Variants in CACNA1D observed in about 807,000 individuals in gnomAD.
The protein encoded by CACNA1D is calcium voltage-gated channel subunit alpha1 D.
In CACNA1D, 55 loss-of-function variants were observed where a neutral mutation model predicts 257.1. The observed-to-expected ratio is 0.21, with a 90% CI of 0.17 to 0.27. The LOEUF (loss-of-function observed/expected upper bound fraction) is 0.27, where lower values mean the gene tolerates loss of function less well. CACNA1D is among the 10% of genes least tolerant of loss of function. The pLI is 1.00. For synonymous variants in CACNA1D, 980 were observed against 1,014.9 expected (o/e 0.97, Z 0.65); for missense variants, 1,876 against 2,784.0 (o/e 0.67, Z 7.34).
rs762565807 is a variant in CACNA1D, at chr3:53,775,902, G to A, written c.4219G>A (p.Ala1407Thr). The A allele has an allele frequency of 6.2e-7, 1 of 1,614,048 alleles. No homozygotes were observed. ...LLLFRCATGE[A>T]WQEIMLACLP... ...CTGAAAAAGGTGTGCAACAGGTGAGGCCTGGCAGGAGATCATGCTGGCCTG... is the reference window on the plus strand; with the variant it reads ...CTGAAAAAGGTGTGCAACAGGTGAGACCTGGCAGGAGATCATGCTGGCCTG... Residue 1407 changes from alanine (A) to threonine (T), a missense_variant, in exon 35 of 48, where the codon GCC (alanine) becomes ACC (threonine). By Grantham distance (58) the Ala-to-Thr change is moderately conservative. Coordinates refer to ENST00000350061, the MANE Select transcript of CACNA1D (RefSeq NM_001128840.3).
At chr3:53,614,729 C>T (rs1010466998) in intron 3 of CACNA1D, among the ~76,000 whole-genome samples, 2 of 152,188 alleles carry the variant, frequency 1.3e-5, no homozygotes, top group Non-Finnish European at 2.9e-5. Context: ...TTCCATACGT[C>T]CCTTTTGTGT....
chr3:53,752,117 G>A (rs942186182), intron 28 of CACNA1D, among the ~76,000 whole-genome samples: 1 of 152,166 alleles, frequency 6.6e-6, no homozygotes, highest in African/African-American at 2.4e-5. Flanking sequence ...TATCCGTACA[G>A]CATGATGGTA....
intron 3 of CACNA1D, among the ~76,000 whole-genome samples, chr3:53,612,474 CT>C (rs2093593783): frequency 6.6e-6 from 1 of 152,184 alleles, no homozygotes; most frequent in Admixed American, 6.5e-5. Flanking sequence ...TCTTTTGACT[CT>C]GATAGTTGGA....
intron 3 of CACNA1D, among the ~76,000 whole-genome samples, chr3:53,609,786 T>C (rs1409200742): frequency 6.6e-6 from 1 of 152,226 alleles, no homozygotes; most frequent in Non-Finnish European, 1.5e-5. Context: ...TTGCCGTTGT[T>C]TTTTCCTTCT....
intron 4 of CACNA1D, among the ~76,000 whole-genome samples, chr3:53,654,757 G>A (rs942342406): frequency 6.6e-6 from 1 of 151,936 alleles, no homozygotes; most frequent in Non-Finnish European, 1.5e-5. Context: ...TTTACTATTC[G>A]GCACTTTATA....
intron 2 of CACNA1D, 112 bp from the exon 3 acceptor site, chr3:53,501,503 G>T: frequency 1.4e-6 from 1 of 689,822 alleles, no homozygotes; most frequent in South Asian, 1.6e-5. Flanking sequence ...AATAGGATTT[G>T]TGTATGTCAT....
At position 53,811,922 on chromosome 3, in the gene CACNA1D, C is replaced by T. The variant is rs1239473813; in HGVS notation, c.*516C>T. ...ACACTGCGTCCTGGTTCCTGTTTAG[C>T]TGTTCTGAAATACGGTGTGTAAGTA... On this transcript the variant is annotated 3_prime_UTR_variant, in exon 48 of 48. Transcript: ENST00000350061. The surrounding 1 kb of genome is among the most constrained non-coding windows in gnomAD (Gnocchi z 4.2). 6.5e-6 allele frequency: 1 copy of T among 152,774 alleles called. No individual in the cohort carries two copies. The highest frequency in any genetic ancestry group is 6.5e-5 in the Admixed American group (1 of 15,288). The allele number at this position is 152,774 out of a possible 1,614,324, so 9.5% of individuals were successfully genotyped here.
intron 3 of CACNA1D, among the ~76,000 whole-genome samples, chr3:53,614,204 G>A (rs1157028842): frequency 3.3e-5 from 5 of 152,026 alleles, no homozygotes; most frequent in Non-Finnish European, 7.4e-5. Flanking sequence ...ATCGTCCCGG[G>A]GCTGAGATCC....
In CACNA1D at chr3:53,574,146, G is replaced by A. The variant is rs116109424; in HGVS notation, c.483+72426G>A. On this transcript the variant is annotated intron_variant, in intron 3 of 47. Coordinates refer to ENST00000350061, the MANE Select transcript of CACNA1D (RefSeq NM_001128840.3). ...GCAAGGAAGCTCAGTGTTTCCACAC[G>A]TTTCAGGTTGCCTCTGTTCTAAATG... 6.3e-3 allele frequency among the ~76,000 whole-genome samples: 962 copies of A among 152,284 alleles called. 15 individuals carry two copies. Among genetic ancestry groups the A allele is most frequent in the African/African-American group, 0.022 (922 of 41,562 alleles).
In CACNA1D at chr3:53,667,162, G is replaced by A. The variant is rs115970544; in HGVS notation, c.1116+627G>A. On this transcript the variant is annotated intron_variant, in intron 7 of 47. Transcript: ENST00000350061. ...CTGGCAGAAAGGGTAGGAATGGCAC[G>A]TAGACTTCCAGGGCTGGTGGACCCA... Among the ~76,000 whole-genome samples, 1,077 of 152,238 alleles carry A rather than the reference G, an allele frequency of 7.1e-3. 15 individuals carry two copies. Among genetic ancestry groups the A allele is most frequent in the African/African-American group, 0.025 (1,018 of 41,530 alleles).
intron 9 of CACNA1D, among the ~76,000 whole-genome samples, chr3:53,713,683 C>T (rs753164406): frequency 1.3e-5 from 2 of 152,196 alleles, no homozygotes; most frequent in Non-Finnish European, 2.9e-5. Context: ...GCAGATTTCC[C>T]TGGTTTACTG....
intron 9 of CACNA1D, among the ~76,000 whole-genome samples, chr3:53,707,735 T>C (rs2108619986): frequency 6.6e-6 from 1 of 152,176 alleles, no homozygotes; most frequent in East Asian, 1.9e-4. Flanking sequence ...GCTAGGACCA[T>C]TAAAATCTGG....
At position 53,812,800 on chromosome 3, in the gene CACNA1D, CGTG is replaced by C. The variant is rs1333938830; in HGVS notation, c.*1398_*1400del. 3.3e-5 allele frequency: 5 copies of C among 152,242 alleles called. No homozygotes were observed. Among genetic ancestry groups the C allele is most frequent in the East Asian group, 3.8e-4 (2 of 5,198 alleles). 9.4% of individuals were successfully genotyped at this position (152,242 alleles called of 1,614,324 possible). A position where few individuals can be genotyped will look rare whatever the true frequency, so the allele number is the denominator to read the frequency against. ...AGGGGTGCTGGGGACAGAGGAGCAACGTGGTGATCTATAGGATTGGAGTGTCGG... is the reference window on the plus strand; with the variant it reads ...AGGGGTGCTGGGGACAGAGGAGCAACGTGATCTATAGGATTGGAGTGTCGG... On this transcript the variant is annotated 3_prime_UTR_variant, in exon 48 of 48. Transcript: ENST00000350061.
rs76575992 is a variant in CACNA1D, at chr3:53,774,979, A to C, written c.4202+301A>C. Among the ~76,000 whole-genome samples the C allele has an allele frequency of 6.6e-6, 1 of 152,304 alleles. No individual in the cohort carries two copies. The highest frequency in any genetic ancestry group is 6.5e-5 in the Admixed American group (1 of 15,298). On this transcript the variant is annotated intron_variant, in intron 34 of 47. Coordinates refer to ENST00000350061, the MANE Select transcript of CACNA1D (RefSeq NM_001128840.3). This position sits in a 1 kb window ranked among gnomAD's most constrained non-coding sequence, Gnocchi z 4.3. ...AAAATTGTAGGATGTACGTTTATGC[A>C]TGGAGGCATGCACTTGAACACGACC...
intron 3 of CACNA1D, among the ~76,000 whole-genome samples, chr3:53,610,585 A>G (rs1185989268): frequency 6.6e-6 from 1 of 152,180 alleles, no homozygotes; most frequent in Non-Finnish European, 1.5e-5. Flanking sequence ...GTTGGGCTTT[A>G]TTGTTCACTA....
At chr3:53,802,017 C>T (rs1275408718) in intron 42 of CACNA1D, 130 bp from the exon 43 acceptor site, 2 of 819,080 alleles carry the variant, frequency 2.4e-6, no homozygotes, top group African/African-American at 1.7e-5. Flanking sequence ...GTGGCAGCCC[C>T]TATGTGGATG....
chr3:53,780,729 T>C (rs1011765292), intron 38 of CACNA1D, among the ~76,000 whole-genome samples: 6 of 152,302 alleles, frequency 3.9e-5, no homozygotes, highest in African/African-American at 1.4e-4. Context: ...GTGTGGCCAT[T>C]GGAGCTGGCT....
At chr3:53,584,122 C>G (rs1400675949) in intron 3 of CACNA1D, among the ~76,000 whole-genome samples, 1 of 151,984 alleles carries the variant, frequency 6.6e-6, no homozygotes, top group East Asian at 1.9e-4. Flanking sequence ...TGGATTGTCT[C>G]TCTATCTGGG....
At chr3:53,782,874 CT>C (rs1428819055) in intron 39 of CACNA1D, 8 of 152,188 alleles carry the variant, frequency 5.3e-5, no homozygotes, top group Admixed American at 5.2e-4. Context: ...GGTTTTCATT[CT>C]TTTCTTTTTA....
Sources: allele counts gnomAD v4.1 joint callset (sites outside exome capture counted in the v4.1 genomes callset), GRCh38; gene constraint gnomAD v4.1.1; non-coding constraint Gnocchi (gnomAD v3.1); transcripts MANE v1.5; gene names NCBI Gene and HGNC (gene_info 2026-07-23, HGNC 2026-07-21).